Variants in CIP2A observed in about 807,000 individuals in gnomAD.
CIP2A encodes the protein cellular inhibitor of PP2A.
Under a neutral mutation model 110.9 loss-of-function variants are expected in CIP2A, and 103 were observed. The ratio of observed to expected loss-of-function variants is 0.93; its 90% CI spans 0.79 to 1.09. The LOEUF is 1.09. Ranked by LOEUF, CIP2A falls within the 50% of genes least tolerant of loss-of-function variation. The pLI, the probability that CIP2A is intolerant of heterozygous loss-of-function variation, is 0.00. For synonymous variants in CIP2A, 381 were observed against 361.6 expected, an observed-to-expected ratio of 1.05 and a Z score of -0.61; for missense variants, 1,088 against 1,038.4, an observed-to-expected ratio of 1.05 and a Z score of -0.66.
intron 8 of CIP2A, among the ~76,000 whole-genome samples, chr3:108,571,694 G>C (rs1401860971): frequency 3.3e-5 from 5 of 152,086 alleles, no homozygotes; most frequent in African/African-American, 1.2e-4. Flanking sequence ...ACTGTTAATG[G>C]CATTTGGGTT....
At chr3:108,588,171 C>T (rs945079756) in intron 1 of CIP2A, among the ~76,000 whole-genome samples, 3 of 152,186 alleles carry the variant, frequency 2.0e-5, no homozygotes, top group Non-Finnish European at 4.4e-5. Flanking sequence ...TTAAATTAAA[C>T]GGACTGCCCT....
intron 1 of CIP2A, among the ~76,000 whole-genome samples, chr3:108,586,070 G>A (rs1447923791): frequency 6.6e-6 from 1 of 152,106 alleles, no homozygotes; most frequent in Non-Finnish European, 1.5e-5. Flanking sequence ...AGTTACCTTA[G>A]AATAAGACTA....
At chr3:108,561,592 C>T (rs1938008025) in intron 13 of CIP2A, among the ~76,000 whole-genome samples, 1 of 152,048 alleles carries the variant, frequency 6.6e-6, no homozygotes, top group Non-Finnish European at 1.5e-5. Context: ...TCACTTGAGC[C>T]CCAGAGGTCG....
At chr3:108,587,718 T>C (rs904991936) in intron 1 of CIP2A, among the ~76,000 whole-genome samples, 1 of 152,232 alleles carries the variant, frequency 6.6e-6, no homozygotes. Flanking sequence ...GAGTTTTATG[T>C]AAACCCCTTG....
intron 8 of CIP2A, among the ~76,000 whole-genome samples, chr3:108,572,117 T>C (rs1938420225): frequency 6.6e-6 from 1 of 152,082 alleles, no homozygotes; most frequent in South Asian, 2.1e-4. Flanking sequence ...ATATATGCAT[T>C]GTAAATATCT....
Position 108,554,464 on chromosome 3 carries a change from T to C in CIP2A, c.2236A>G (p.Lys746Glu), listed in dbSNP as rs1224199452. 1 of 1,509,648 alleles carries C rather than the reference T, an allele frequency of 6.6e-7. No individual in the cohort carries two copies. Among genetic ancestry groups the C allele is most frequent in the Non-Finnish European group, 9.1e-7 (1 of 1,096,586 alleles). 93.5% of individuals were successfully genotyped at this position (1,509,648 alleles called of 1,614,324 possible). Residue 746 changes from lysine (K) to glutamate (E), a missense_variant, in exon 18 of 21, where the codon AAA (lysine) becomes GAA (glutamate). Transcript: ENST00000295746. ...GAATCACATGTGATCTGTAAATCTTTATTCTTCTTTTCAGTACTTTCATTT... is the reference window on the plus strand; with the variant it reads ...GAATCACATGTGATCTGTAAATCTTCATTCTTCTTTTCAGTACTTTCATTT... ...QRNESTEKKN[K>E]DLQITCDSLN... is the part of the protein sequence containing the mutation.
intron 8 of CIP2A, 88 bp from the exon 9 acceptor site, chr3:108,569,695 T>C: frequency 1.0e-6 from 1 of 960,896 alleles, no homozygotes; most frequent in Non-Finnish European, 1.6e-6. Flanking sequence ...AAATGCTACA[T>C]ATTTTAAAGA....
At chr3:108,577,435 GTGAAACTGGA>G in intron 7 of CIP2A, among the ~76,000 whole-genome samples, 1 of 152,246 alleles carries the variant, frequency 6.6e-6, no homozygotes, top group South Asian at 2.1e-4. Context: ...ATATTTATGA[GTGAAACTGGA>G]TGAAACTAAG....
At chr3:108,560,122 C>T (rs985023241) in intron 14 of CIP2A, 94 bp from the exon 15 acceptor site, 2 of 682,964 alleles carry the variant, frequency 2.9e-6, no homozygotes, top group African/African-American at 3.7e-5. Context: ...ATCATTAAAA[C>T]TTAATGATGA....
rs945868099 is a variant in CIP2A, at chr3:108,565,396, A to G, written c.1474T>C (p.Leu492=). The G allele has an allele frequency of 1.2e-6, 2 of 1,601,950 alleles. No individual in the cohort carries two copies. The change falls in exon 12 of 21, where the codon TTG becomes CTG. Residue 492 remains leucine (L), a synonymous_variant. Transcript: ENST00000295746. ...AAGCTTACTTCCATACCAGGAACCAATGGTTTAAGTTTGTTAATCAAATCA... is the reference window on the plus strand; with the variant it reads ...AAGCTTACTTCCATACCAGGAACCAGTGGTTTAAGTTTGTTAATCAAATCA... ...TLDLINKLKP[L]VPGMEVSFYK...
intron 19 of CIP2A, 79 bp downstream of exon 19, chr3:108,553,569 A>G (rs1937654247): frequency 3.2e-6 from 4 of 1,262,324 alleles, no homozygotes; most frequent in Non-Finnish European, 4.3e-6. Context: ...GTAGAAAATA[A>G]AAAAGCAAAC....
intron 1 of CIP2A, among the ~76,000 whole-genome samples, chr3:108,587,367 A>G (rs1340261605): frequency 6.6e-6 from 1 of 152,158 alleles, no homozygotes; most frequent in Non-Finnish European, 1.5e-5. Flanking sequence ...GTAGCGGTAC[A>G]TGTGCAACAT....
chr3:108,577,086 A>G (rs926948422), intron 7 of CIP2A, among the ~76,000 whole-genome samples: 2 of 152,152 alleles, frequency 1.3e-5, no homozygotes, highest in Non-Finnish European at 2.9e-5. Context: ...CAGAGGGAAC[A>G]CTCTAGAGGA....
chr3:108,572,081 T>C (rs1938419070), intron 8 of CIP2A, among the ~76,000 whole-genome samples: 1 of 152,122 alleles, frequency 6.6e-6, no homozygotes, highest in Non-Finnish European at 1.5e-5. Flanking sequence ...AAAAATAATA[T>C]ATTTTGGATA....
chr3:108,567,392 T>C (rs1026121278), intron 10 of CIP2A, among the ~76,000 whole-genome samples: 3 of 151,838 alleles, frequency 2.0e-5, no homozygotes, highest in Non-Finnish European at 4.4e-5. Context: ...GAGTAGAACA[T>C]ATTCTTGTTG....
chr3:108,586,892 C>T, intron 1 of CIP2A, among the ~76,000 whole-genome samples: 1 of 152,154 alleles, frequency 6.6e-6, no homozygotes, highest in East Asian at 1.9e-4. Context: ...GGGAGAAGTA[C>T]AGAAGAATGA....
intron 5 of CIP2A, 79 bp from the exon 6 acceptor site, chr3:108,579,767 T>C (rs1938800405): frequency 3.9e-6 from 3 of 772,402 alleles, no homozygotes; most frequent in African/African-American, 3.7e-5. Flanking sequence ...TTGCACAGAG[T>C]GGGCAAACTT....
chr3:108,583,257 A>G (rs1360002479), intron 2 of CIP2A, among the ~76,000 whole-genome samples, 174 bp from the exon 3 acceptor site: 1 of 152,190 alleles, frequency 6.6e-6, no homozygotes, highest in Non-Finnish European at 1.5e-5. Flanking sequence ...TTCTCTATGT[A>G]AAATAAACTA....
rs1938308240 is a variant in CIP2A at position 108,569,427 on chromosome 3, AAC to A, written c.1073_1074del (p.Cys358PhefsTer13). ...LSQPLDGSEN[C>X]SVLALELFKE... is the part of the protein sequence containing the mutation. ...TTGAACAACTCCAATGCTAAAACAGAACAGTTTTCTGATCCGTCCAAAGGTTG... is the reference window on the plus strand; with the variant it reads ...TTGAACAACTCCAATGCTAAAACAGAAGTTTTCTGATCCGTCCAAAGGTTG... On this transcript the variant is annotated frameshift_variant, in exon 9 of 21. Transcript: ENST00000295746. LOFTEE classifies it high-confidence loss of function. 2 of 1,612,478 alleles carry A rather than the reference AAC, an allele frequency of 1.2e-6. No individual in the cohort carries two copies. Among genetic ancestry groups the A allele is most frequent in the Non-Finnish European group, 1.7e-6 (2 of 1,179,176 alleles).
Sources: allele counts gnomAD v4.1 joint callset (sites outside exome capture counted in the v4.1 genomes callset), GRCh38; gene constraint gnomAD v4.1.1; transcripts MANE v1.5; gene names NCBI Gene and HGNC (gene_info 2026-07-23, HGNC 2026-07-21).